Variants in OPCML observed in about 807,000 individuals in gnomAD.
OPCML encodes opioid binding protein/cell adhesion molecule like.
A neutral mutation model predicts 37.8 loss-of-function variants in OPCML; 13 were observed. The ratio of observed to expected loss-of-function variants is 0.34; its 90% CI spans 0.22 to 0.55. The LOEUF is 0.55. OPCML is among the 20% of genes least tolerant of loss of function. The pLI is 0.91. For missense variants in OPCML, 341 were observed against 435.6 expected (o/e 0.78, Z 1.93); for synonymous variants, 176 against 168.8 (o/e 1.04, Z -0.33).
intron 2 of OPCML, among the ~76,000 whole-genome samples, chr11:132,891,769 T>C (rs1476590631): frequency 6.6e-6 from 1 of 152,254 alleles, no homozygotes; most frequent in Admixed American, 6.5e-5. Flanking sequence ...TTCATTCAAA[T>C]ATTGTCTTTA....
At chr11:133,274,740 C>T (rs1192774658) in intron 1 of OPCML, among the ~76,000 whole-genome samples, 1 of 152,194 alleles carries the variant, frequency 6.6e-6, no homozygotes. Context: ...CAGGCGGCCT[C>T]TATGTTACCA....
chr11:133,358,387 A>G (rs1476566195), intron 1 of OPCML, among the ~76,000 whole-genome samples: 8 of 152,216 alleles, frequency 5.3e-5, no homozygotes, highest in Admixed American at 3.9e-4. Context: ...CAACCAAAGC[A>G]TGCCATGATC....
At chr11:133,236,651 A>G (rs1940530037) in intron 1 of OPCML, among the ~76,000 whole-genome samples, 1 of 152,208 alleles carries the variant, frequency 6.6e-6, no homozygotes, top group Non-Finnish European at 1.5e-5. Flanking sequence ...AGCTCCCACA[A>G]TTTAGCCTAA....
At chr11:133,075,902 T>C (rs931434092) in intron 1 of OPCML, among the ~76,000 whole-genome samples, 4 of 152,188 alleles carry the variant, frequency 2.6e-5, no homozygotes, top group African/African-American at 9.7e-5. Context: ...AGCCTGTATT[T>C]TTTTCCTTTT....
At chr11:133,333,885 A>G (rs1943682146) in intron 1 of OPCML, among the ~76,000 whole-genome samples, 1 of 152,042 alleles carries the variant, frequency 6.6e-6, no homozygotes. Context: ...CAAGCATTTA[A>G]AAAAAAAGTT....
At chr11:133,239,881 T>A (rs867938581) in intron 1 of OPCML, among the ~76,000 whole-genome samples, 1 of 152,140 alleles carries the variant, frequency 6.6e-6, no homozygotes, top group Non-Finnish European at 1.5e-5. Flanking sequence ...GCTCGCAAGC[T>A]TTTATAAAAA....
At chr11:132,597,167 G>A (rs914266406) in intron 3 of OPCML, among the ~76,000 whole-genome samples, 2 of 152,160 alleles carry the variant, frequency 1.3e-5, no homozygotes, top group Non-Finnish European at 2.9e-5. Flanking sequence ...ACTCTAAACT[G>A]TTATCTTTCT....
At chr11:133,283,502 T>C (rs1942217467) in intron 1 of OPCML, among the ~76,000 whole-genome samples, 1 of 152,030 alleles carries the variant, frequency 6.6e-6, no homozygotes. Context: ...GGCACCATGC[T>C]TCCTGTAAAG....
chr11:132,513,741 C>T (rs990617281), intron 4 of OPCML, among the ~76,000 whole-genome samples: 6 of 152,068 alleles, frequency 3.9e-5, no homozygotes, highest in African/African-American at 1.4e-4. Context: ...GGATGCCATC[C>T]CTGATTCTTT....
At chr11:133,096,723 G>A (rs1029374835) in intron 1 of OPCML, among the ~76,000 whole-genome samples, 5 of 152,058 alleles carry the variant, frequency 3.3e-5, no homozygotes, top group South Asian at 2.1e-4. Context: ...GGTAGTAGGA[G>A]CAGATATATT....
At chr11:132,879,944 A>G (rs1943164892) in intron 2 of OPCML, among the ~76,000 whole-genome samples, 1 of 152,192 alleles carries the variant, frequency 6.6e-6, no homozygotes, top group Admixed American at 6.5e-5. Flanking sequence ...ATAAAGTTAC[A>G]TTTCAGACAC....
intron 1 of OPCML, among the ~76,000 whole-genome samples, chr11:133,443,710 T>C (rs930157846): frequency 1.3e-5 from 2 of 152,210 alleles, no homozygotes; most frequent in African/African-American, 4.8e-5. Context: ...GCACTTCTTT[T>C]GTCAGAAGGA....
At chr11:133,505,874 C>T (rs900417532) in intron 1 of OPCML, among the ~76,000 whole-genome samples, 41 of 152,244 alleles carry the variant, frequency 2.7e-4, no homozygotes, top group African/African-American at 9.6e-4. Context: ...CACTCCCGGC[C>T]GACCTTCCTC....
chr11:132,750,206 A>G (rs1360539237), intron 2 of OPCML, among the ~76,000 whole-genome samples: 1 of 152,222 alleles, frequency 6.6e-6, no homozygotes, highest in Non-Finnish European at 1.5e-5. Context: ...TTGGTAAAAT[A>G]ATAGATATGT....
Position 133,283,946 on chromosome 11 carries a change from T to TC in OPCML, c.61+248317dup, listed in dbSNP as rs201604620. ...TGGCCTGACACTCTCCTGGATCGCT[T>TC]CCCCCCCCAGTACCTAAAAGTCAAG... On this transcript the variant is annotated intron_variant, in intron 1 of 7. Coordinates refer to ENST00000524381, the MANE Select transcript of OPCML (RefSeq NM_001012393.5). Among the ~76,000 whole-genome samples the TC allele has an allele frequency of 9.1e-3, 1,371 of 151,270 alleles. 23 individuals are homozygous for TC. Among genetic ancestry groups the TC allele is most frequent in the African/African-American group, 0.031 (1,262 of 41,202 alleles).
intron 2 of OPCML, among the ~76,000 whole-genome samples, chr11:132,869,240 A>AGGAAGACC (rs1486342697): frequency 1.3e-5 from 2 of 152,164 alleles, no homozygotes; most frequent in Admixed American, 6.5e-5. Context: ...TCTAGTGTGA[A>AGGAAGACC]GGAAGACCCA....
At chr11:132,485,291 G>A (rs2096196114) in intron 4 of OPCML, among the ~76,000 whole-genome samples, 2 of 152,084 alleles carry the variant, frequency 1.3e-5, no homozygotes, top group South Asian at 4.1e-4. Context: ...TCCAGGACTG[G>A]GGCAGGAGCT....
At chr11:132,475,195 C>T (rs1304622332) in intron 4 of OPCML, among the ~76,000 whole-genome samples, 2 of 152,156 alleles carry the variant, frequency 1.3e-5, no homozygotes, top group Non-Finnish European at 2.9e-5. Context: ...CTATGAAGGC[C>T]TGAGGGCTGG....
At chr11:132,668,140 C>T (rs763810098) in intron 2 of OPCML, among the ~76,000 whole-genome samples, 2 of 152,142 alleles carry the variant, frequency 1.3e-5, no homozygotes, top group East Asian at 1.9e-4. Context: ...AAATTATACA[C>T]GATGAAAAGT....
Sources: allele counts gnomAD v4.1 joint callset (sites outside exome capture counted in the v4.1 genomes callset), GRCh38; gene constraint gnomAD v4.1.1; transcripts MANE v1.5; gene names NCBI Gene and HGNC (gene_info 2026-07-23, HGNC 2026-07-21).